Variants in LYRM4 observed in about 807,000 individuals in gnomAD.
LYRM4 encodes the protein LYR motif containing 4.
A neutral mutation model predicts 11.7 loss-of-function variants in LYRM4; 9 were observed. The observed-to-expected ratio is 0.77, with a 90% CI of 0.46 to 1.34. LYRM4 has a LOEUF of 1.34. LYRM4 is among the 40% of genes most tolerant of loss of function. LYRM4 has a pLI of 0.00. For synonymous variants in LYRM4, 42 were observed against 40.4 expected (o/e 1.04, Z -0.15); for missense variants, 133 against 112.5 (o/e 1.18, Z -0.82).
rs970063739 is a variant in LYRM4 at position 5,119,511 on chromosome 6, G to A, written c.208-10020C>T. Among the ~76,000 whole-genome samples, 13 of 152,176 alleles carry A rather than the reference G, an allele frequency of 8.5e-5. No homozygotes were observed. The South Asian group carries it at 1.0e-3, about 12-fold the overall frequency. The stretch of plus-strand genomic sequence containing the variant: ...CTCATGTTCACTTAAAAAAGGCTGG[G>A]TGTGGTGTCTCACACCTGTGATCCC... On this transcript the variant is annotated intron_variant, in intron 2 of 2. Transcript: ENST00000330636.
At chr6:5,164,305 G>T (rs1022837999) in intron 2 of LYRM4, among the ~76,000 whole-genome samples, 1 of 152,026 alleles carries the variant, frequency 6.6e-6, no homozygotes, top group Non-Finnish European at 1.5e-5. Flanking sequence ...CCCAAAACTG[G>T]AAACCCCCCA....
chr6:5,086,503 GACA>G, the LYRM4 span: 3 of 1,535,768 alleles, frequency 2.0e-6, no homozygotes, highest in Non-Finnish European at 2.6e-6. Flanking sequence ...CGAGTACTGG[GACA>G]ACAACGCGGG....
the LYRM4 span, among the ~76,000 whole-genome samples, chr6:5,039,076 G>C: frequency 2.6e-5 from 4 of 152,002 alleles, no homozygotes; most frequent in Non-Finnish European, 4.4e-5. Context: ...GATATCACTG[G>C]AACACTGAAA....
At chr6:5,193,609 A>G (rs764430684) in intron 2 of LYRM4, among the ~76,000 whole-genome samples, 2 of 152,134 alleles carry the variant, frequency 1.3e-5, no homozygotes, top group African/African-American at 2.4e-5. Context: ...GTTAATCAGA[A>G]GTGCTAAAAG....
At chr6:5,218,177 G>A (rs1260035990) in intron 1 of LYRM4, 7 of 855,758 alleles carry the variant, frequency 8.2e-6, no homozygotes, top group Non-Finnish European at 9.8e-6. Context: ...AAGGAGCTAG[G>A]ATTACAAGCA....
the LYRM4 span, among the ~76,000 whole-genome samples, chr6:5,045,065 C>T: frequency 0.02 from 3,026 of 152,280 alleles, 47 homozygotes; most frequent in Non-Finnish European, 0.028. Context: ...ATGCTGTAAT[C>T]GTGACTCAAC....
chr6:5,123,230 G>A (rs1215063095), intron 2 of LYRM4, among the ~76,000 whole-genome samples: 3 of 152,132 alleles, frequency 2.0e-5, no homozygotes, highest in South Asian at 4.1e-4. Flanking sequence ...CAGCACACAC[G>A]TCCTCATCCC....
intron 2 of LYRM4, among the ~76,000 whole-genome samples, chr6:5,209,260 AT>A (rs946668735): frequency 6.6e-6 from 1 of 151,698 alleles, no homozygotes; most frequent in Non-Finnish European, 1.5e-5. Flanking sequence ...AACCTGGCTA[AT>A]TTTTTTTGTA....
chr6:5,038,753 G>A, the LYRM4 span, among the ~76,000 whole-genome samples: 19 of 52,470 alleles, frequency 3.6e-4, no homozygotes, highest in Admixed American at 5.2e-4. Flanking sequence ...CAGGCGTGGC[G>A]GTGTGCGCAG....
chr6:5,172,530 C>T (rs1759493418), intron 2 of LYRM4, among the ~76,000 whole-genome samples: 1 of 152,148 alleles, frequency 6.6e-6, no homozygotes, highest in Admixed American at 6.5e-5. Context: ...GCTCTCCTCC[C>T]AGGGACTGAG....
At chr6:5,157,080 G>C (rs1758457454) in intron 2 of LYRM4, among the ~76,000 whole-genome samples, 1 of 152,164 alleles carries the variant, frequency 6.6e-6, no homozygotes, top group Admixed American at 6.5e-5. Context: ...TGAGCTACAA[G>C]GTCAGTGAGT....
rs780501633 is a variant in LYRM4, at chr6:5,177,657, C to T, written c.207+38961G>A. Among the ~76,000 whole-genome samples, 6 of 152,306 alleles carry T rather than the reference C, an allele frequency of 3.9e-5. 3 individuals are homozygous for T. The highest frequency in any genetic ancestry group is 6.8e-3 in the Middle Eastern group (2 of 294). ...GCTACAGCTGTCAAATGTATCCTTACGGCACCAGGTTATTTCCGTGACTAA... is the reference window on the plus strand; with the variant it reads ...GCTACAGCTGTCAAATGTATCCTTATGGCACCAGGTTATTTCCGTGACTAA... On this transcript the variant is annotated intron_variant, in intron 2 of 2. Coordinates refer to ENST00000330636, the MANE Select transcript of LYRM4 (RefSeq NM_020408.6).
downstream of LYRM4, chr6:5,102,933 C>T (rs1024715803): frequency 2.8e-4 from 42 of 152,246 alleles, no homozygotes; most frequent in African/African-American, 9.6e-4. Context: ...AGTTTTCCTT[C>T]TGGGTTCTCT....
intron 1 of LYRM4, among the ~76,000 whole-genome samples, chr6:5,222,764 GAA>G (rs56295961): frequency 7.1e-6 from 1 of 139,978 alleles, no homozygotes. Flanking sequence ...AGCAAAACAA[GAA>G]AAAAAAAAAA....
chr6:5,071,648 GTA>G, the LYRM4 span, among the ~76,000 whole-genome samples: 9 of 151,940 alleles, frequency 5.9e-5, no homozygotes, highest in Middle Eastern at 3.4e-3. Flanking sequence ...GTGTGTGTGT[GTA>G]TATATATGAC....
At chr6:5,177,160 G>A (rs1206737305) in intron 2 of LYRM4, among the ~76,000 whole-genome samples, 5 of 152,200 alleles carry the variant, frequency 3.3e-5, no homozygotes, top group South Asian at 2.1e-4. Context: ...TGTCTTCCCC[G>A]TGTGTTTAAA....
At chr6:5,190,986 G>A (rs1760718357) in intron 2 of LYRM4, among the ~76,000 whole-genome samples, 1 of 152,042 alleles carries the variant, frequency 6.6e-6, no homozygotes, top group Non-Finnish European at 1.5e-5. Context: ...TGCCTCATGT[G>A]CCTTAAGAGC....
chr6:5,193,292 A>T (rs918703083), intron 2 of LYRM4, among the ~76,000 whole-genome samples: 81 of 151,092 alleles, frequency 5.4e-4, no homozygotes, highest in East Asian at 1.9e-4. Flanking sequence ...TATGTGATTT[A>T]AAAAAAAACC....
At chr6:5,153,089 G>A (rs575678153) in intron 2 of LYRM4, among the ~76,000 whole-genome samples, 9 of 152,080 alleles carry the variant, frequency 5.9e-5, no homozygotes, top group Non-Finnish European at 1.3e-4. Context: ...TGAACCATTG[G>A]TAATCTTATT....
Sources: allele counts gnomAD v4.1 joint callset (sites outside exome capture counted in the v4.1 genomes callset), GRCh38; gene constraint gnomAD v4.1.1; transcripts MANE v1.5; gene names NCBI Gene and HGNC (gene_info 2026-07-23, HGNC 2026-07-21).